The following JAZF1 variants were observed in gnomAD, a reference collection of about 807,000 sequenced individuals.
JAZF1 encodes the protein JAZF zinc finger 1, also known as juxtaposed with another zinc finger protein 1.
A neutral mutation model predicts 26.4 loss-of-function variants in JAZF1; 8 were observed. The ratio of observed to expected loss-of-function variants is 0.30; its 90% CI spans 0.18 to 0.55. The LOEUF (loss-of-function observed/expected upper bound fraction) is 0.55, where lower values mean the gene tolerates loss of function less well. JAZF1 is among the 20% of genes least tolerant of loss of function. The pLI is 0.94. For synonymous variants in JAZF1, 126 were observed against 122.3 expected, an observed-to-expected ratio of 1.03 and a Z score of -0.20; for missense variants, 199 against 322.0, an observed-to-expected ratio of 0.62 and a Z score of 2.92.
In JAZF1 at chr7:28,180,641, G is replaced by T. The variant is rs1478148390; in HGVS notation, c.-64C>A. ...AGCGCCGGGCGGGCGAGGGAGGGAG[G>T]GAGGCCGGGTGGGGTGAGGAGAGGA... On this transcript the variant is annotated 5_prime_UTR_variant, in exon 1 of 5. Coordinates refer to ENST00000283928, the MANE Select transcript of JAZF1 (RefSeq NM_175061.4). The T allele has an allele frequency of 2.4e-6, 3 of 1,260,738 alleles. No homozygotes were observed. The highest frequency in any genetic ancestry group is 1.3e-5 in the South Asian group (1 of 79,878). 78.1% of individuals were successfully genotyped at this position (1,260,738 alleles called of 1,614,324 possible).
At chr7:28,115,506 G>C (rs1168215915) in intron 1 of JAZF1, among the ~76,000 whole-genome samples, 1 of 152,096 alleles carries the variant, frequency 6.6e-6, no homozygotes, top group African/African-American at 2.4e-5. Flanking sequence ...GCTAATACAA[G>C]ACCCACTTAG....
chr7:27,892,886 G>A (rs10232181), intron 3 of JAZF1, among the ~76,000 whole-genome samples: 38,764 of 152,092 alleles, frequency 0.25, 5,495 homozygotes, highest in Non-Finnish European at 0.32. Flanking sequence ...TGTTATACAT[G>A]TGCTATCACA....
At chr7:27,950,199 T>C (rs1784985880) in intron 2 of JAZF1, among the ~76,000 whole-genome samples, 2 of 152,338 alleles carry the variant, frequency 1.3e-5, no homozygotes, top group East Asian at 1.9e-4. Context: ...TTAAGTAATA[T>C]AGAAGTGGTT....
At chr7:28,017,553 G>T (rs569132335) in intron 1 of JAZF1, among the ~76,000 whole-genome samples, 1 of 152,158 alleles carries the variant, frequency 6.6e-6, no homozygotes, top group Non-Finnish European at 1.5e-5. Context: ...AGACCTTCTG[G>T]GTGCAAAGGG....
intron 2 of JAZF1, among the ~76,000 whole-genome samples, chr7:27,942,156 C>T (rs912703342): frequency 6.6e-6 from 1 of 152,210 alleles, no homozygotes; most frequent in Admixed American, 6.5e-5. Flanking sequence ...TTCCCATTTG[C>T]CTTTTCCTTT....
chr7:27,871,549 G>A (rs1376920666), intron 3 of JAZF1, among the ~76,000 whole-genome samples: 1 of 152,136 alleles, frequency 6.6e-6, no homozygotes, highest in East Asian at 1.9e-4. Flanking sequence ...AAACCTTCGG[G>A]GGAGACACAG....
rs185205009 is a variant in JAZF1, at chr7:27,884,444, G to C, written c.385+10776C>G. ...ATCGGGCAGGTATATAATTGGATGA[G>C]CTTGATAAATGTATACATTTGTGAA... On this transcript the variant is annotated intron_variant, in intron 3 of 4. Coordinates refer to ENST00000283928, the MANE Select transcript of JAZF1 (RefSeq NM_175061.4). 5.3e-5 allele frequency among the ~76,000 whole-genome samples: 8 copies of C among 152,334 alleles called. No individual in the cohort carries two copies. In the East Asian group the frequency reaches 1.5e-3, roughly 29 times the overall value.
At chr7:28,020,599 G>A (rs984643640) in intron 1 of JAZF1, 1 of 471,124 alleles carries the variant, frequency 2.1e-6, no homozygotes, top group Non-Finnish European at 4.4e-6. Context: ...CAACAACCAT[G>A]TCTTCATTTC....
chr7:28,092,083 A>AT (rs1163952256), intron 1 of JAZF1, among the ~76,000 whole-genome samples: 2 of 152,016 alleles, frequency 1.3e-5, no homozygotes, highest in Non-Finnish European at 2.9e-5. Flanking sequence ...TTGAGGGTAT[A>AT]TTTGGGTTAT....
At chr7:27,893,654 C>A (rs1053811805) in intron 3 of JAZF1, among the ~76,000 whole-genome samples, 1 of 152,186 alleles carries the variant, frequency 6.6e-6, no homozygotes, top group Non-Finnish European at 1.5e-5. Context: ...TCACAGAATT[C>A]TATATAGCAC....
At chr7:28,069,838 C>A (rs1783947423) in intron 1 of JAZF1, among the ~76,000 whole-genome samples, 1 of 152,128 alleles carries the variant, frequency 6.6e-6, no homozygotes, top group Non-Finnish European at 1.5e-5. Flanking sequence ...AACTCATGCC[C>A]CCAAGTTTGA....
intron 1 of JAZF1, among the ~76,000 whole-genome samples, chr7:28,167,696 C>CT: frequency 6.6e-6 from 1 of 152,112 alleles, no homozygotes; most frequent in Non-Finnish European, 1.5e-5. Flanking sequence ...AGTGGTCCTG[C>CT]TTTTTTTCCC....
intron 1 of JAZF1, among the ~76,000 whole-genome samples, chr7:28,076,568 G>A (rs1268317083): frequency 6.6e-6 from 1 of 152,142 alleles, no homozygotes; most frequent in African/African-American, 2.4e-5. Flanking sequence ...CTGAATTCCG[G>A]TTAGGATAAC....
At chr7:28,119,261 G>GT (rs1407477659) in intron 1 of JAZF1, among the ~76,000 whole-genome samples, 1 of 152,168 alleles carries the variant, frequency 6.6e-6, no homozygotes, top group East Asian at 1.9e-4. Context: ...CGGCTTGCAA[G>GT]TAAGTGCCTA....
intron 3 of JAZF1, among the ~76,000 whole-genome samples, chr7:27,848,085 T>C (rs929480519): frequency 2.6e-5 from 4 of 152,242 alleles, no homozygotes; most frequent in Non-Finnish European, 4.4e-5. Flanking sequence ...TTGTTTTTAC[T>C]GTTTCCGTGA....
chr7:27,914,187 T>G (rs1784407807), intron 2 of JAZF1, among the ~76,000 whole-genome samples: 3 of 152,208 alleles, frequency 2.0e-5, no homozygotes, highest in Admixed American at 6.5e-5. Flanking sequence ...GAGTCAACAA[T>G]GCAAGGAATT....
At chr7:28,137,957 C>T (rs1782909898) in intron 1 of JAZF1, among the ~76,000 whole-genome samples, 1 of 152,142 alleles carries the variant, frequency 6.6e-6, no homozygotes, top group Admixed American at 6.5e-5. Flanking sequence ...AGGTTAAGTG[C>T]CTTGCCCCAA....
chr7:27,878,031 A>T (rs949133817), intron 3 of JAZF1, among the ~76,000 whole-genome samples: 1 of 152,224 alleles, frequency 6.6e-6, no homozygotes, highest in Non-Finnish European at 1.5e-5. Context: ...CTCTGTATGC[A>T]TTCTGTTGAT....
chr7:28,017,286 G>C (rs1430995934), intron 1 of JAZF1, among the ~76,000 whole-genome samples: 1 of 151,148 alleles, frequency 6.6e-6, no homozygotes, highest in Non-Finnish European at 1.5e-5. Context: ...GGGAGGCAGA[G>C]GTTACAGTGA....
Sources: gnomAD v4.1 joint callset for allele counts (sites outside exome capture counted in the v4.1 genomes callset) on GRCh38, gnomAD v4.1.1 for gene constraint, MANE v1.5 for transcripts, NCBI Gene and HGNC (gene_info 2026-07-23, HGNC 2026-07-21) for gene names.